SORCS3: variants seen among roughly 807,000 people sequenced by gnomAD.
SORCS3 encodes VPS10 domain-containing receptor SorCS3.
SORCS3 carries 57 observed loss-of-function variants against 146.3 expected under a neutral mutation model. The observed-to-expected ratio is 0.39, with a 90% confidence interval of 0.31 to 0.49. The LOEUF (loss-of-function observed/expected upper bound fraction) is 0.49. Among genes scored for constraint, SORCS3 ranks in the 20% least tolerant of loss-of-function variants. The probability of loss-of-function intolerance (pLI) is 0.92; values close to 1 mark genes in which losing one functional copy is unlikely to be tolerated. For synonymous variants in SORCS3, 653 were observed against 618.5 expected, an observed-to-expected ratio of 1.06 and a Z score of -0.83; for missense variants, 1,341 against 1,575.5, an observed-to-expected ratio of 0.85 and a Z score of 2.52.
intron 19 of SORCS3, among the ~76,000 whole-genome samples, chr10:105,219,571 T>G (rs1473258014): frequency 6.6e-6 from 1 of 152,190 alleles, no homozygotes; most frequent in Non-Finnish European, 1.5e-5. Flanking sequence ...CCAACTTACA[T>G]GCAGACCTTC....
intron 5 of SORCS3, among the ~76,000 whole-genome samples, chr10:105,079,724 A>T (rs369957477): frequency 6.6e-6 from 1 of 151,260 alleles, no homozygotes. Context: ...CCTTCCTCCC[A>T]CTCTCCACCC....
At chr10:104,691,774 T>A (rs918193054) in intron 1 of SORCS3, among the ~76,000 whole-genome samples, 2 of 152,180 alleles carry the variant, frequency 1.3e-5, no homozygotes, top group Non-Finnish European at 2.9e-5. Context: ...AGGGTCTTGC[T>A]CTGCCACCCA....
intron 5 of SORCS3, among the ~76,000 whole-genome samples, chr10:105,081,876 G>A (rs145543543): frequency 2.6e-5 from 4 of 152,238 alleles, no homozygotes; most frequent in Non-Finnish European, 2.9e-5. Context: ...TCAGGAAGGC[G>A]AACAATCTAC....
intron 1 of SORCS3, among the ~76,000 whole-genome samples, chr10:104,646,621 G>C (rs1163422239): frequency 6.6e-6 from 1 of 152,178 alleles, no homozygotes; most frequent in African/African-American, 2.4e-5. Context: ...GTCACTTAAG[G>C]CCTGTGGCTT....
At chr10:104,874,260 A>G (rs1236637822) in intron 2 of SORCS3, among the ~76,000 whole-genome samples, 1 of 152,178 alleles carries the variant, frequency 6.6e-6, no homozygotes, top group Non-Finnish European at 1.5e-5. Flanking sequence ...GGTTTTAGAT[A>G]TCTGCCATTT....
At chr10:104,651,623 T>C (rs2015561076) in intron 1 of SORCS3, among the ~76,000 whole-genome samples, 1 of 151,814 alleles carries the variant, frequency 6.6e-6, no homozygotes, top group Admixed American at 6.6e-5. Flanking sequence ...GGAGAATCTC[T>C]TGAACGCAGG....
intron 14 of SORCS3, among the ~76,000 whole-genome samples, chr10:105,194,819 G>A (rs922867405): frequency 6.6e-6 from 1 of 152,062 alleles, no homozygotes; most frequent in African/African-American, 2.4e-5. Flanking sequence ...CTCAAAATAC[G>A]GTCCTGGGGC....
intron 1 of SORCS3, among the ~76,000 whole-genome samples, chr10:104,680,955 G>T (rs555317828): frequency 6.6e-6 from 1 of 152,202 alleles, no homozygotes; most frequent in African/African-American, 2.4e-5. Flanking sequence ...CAGGCCCTGC[G>T]GGGAACAGAG....
Position 105,263,480 on chromosome 10 carries a change from C to G in SORCS3, c.*106C>G, listed in dbSNP as rs1386692244. 9.9e-6 allele frequency: 11 copies of G among 1,106,496 alleles called. No homozygotes were observed. The highest frequency in any genetic ancestry group is 1.4e-5 in the Non-Finnish European group (11 of 759,936). 68.5% of individuals were successfully genotyped at this position (1,106,496 alleles called of 1,614,324 possible). A position where few individuals can be genotyped will look rare whatever the true frequency, so the allele number is the denominator to read the frequency against. On this transcript the variant is annotated 3_prime_UTR_variant, in exon 27 of 27. Coordinates refer to ENST00000369701, the MANE Select transcript of SORCS3 (RefSeq NM_014978.3). ...AAATGTCTTTTTTACCTTTTGTTTA[C>G]CAAGGGCCCCTTCATAAATAGCAGG...
At chr10:104,946,016 G>A (rs1164749320) in intron 3 of SORCS3, among the ~76,000 whole-genome samples, 1 of 152,030 alleles carries the variant, frequency 6.6e-6, no homozygotes, top group African/African-American at 2.4e-5. Context: ...TGTTATTTTG[G>A]TTGAGTTCTG....
chr10:105,003,945 C>T (rs1997064), intron 4 of SORCS3, among the ~76,000 whole-genome samples: 9,499 of 151,050 alleles, frequency 0.063, 327 homozygotes, highest in Middle Eastern at 0.086. Context: ...CACCTGGATG[C>T]CAAACCTCCT....
intron 15 of SORCS3, among the ~76,000 whole-genome samples, chr10:105,200,689 T>C (rs748600895): frequency 7.9e-5 from 12 of 152,198 alleles, no homozygotes; most frequent in African/African-American, 9.6e-5. Context: ...TGGTCGTTTA[T>C]CATAGAGAAG....
chr10:104,948,285 A>G (rs1199788641), intron 3 of SORCS3, among the ~76,000 whole-genome samples: 1 of 152,158 alleles, frequency 6.6e-6, no homozygotes, highest in Admixed American at 6.5e-5. Context: ...AGAAGTTGCA[A>G]AGGGTAGTGT....
chr10:104,721,299 T>C (rs1339715668), intron 1 of SORCS3, among the ~76,000 whole-genome samples: 6 of 152,178 alleles, frequency 3.9e-5, no homozygotes, highest in Admixed American at 2.6e-4. Flanking sequence ...ATATGCAGCA[T>C]TATTTCTGAG....
chr10:104,837,862 TA>T (rs1317127890), intron 1 of SORCS3, among the ~76,000 whole-genome samples: 13 of 152,286 alleles, frequency 8.5e-5, no homozygotes, highest in Middle Eastern at 3.4e-3. Flanking sequence ...GAAGCCCACA[TA>T]AACACTTACT....
At chr10:105,209,883 T>G (rs2056623890) in intron 16 of SORCS3, among the ~76,000 whole-genome samples, 1 of 152,210 alleles carries the variant, frequency 6.6e-6, no homozygotes, top group Admixed American at 6.5e-5. Flanking sequence ...TTAGCTCTAC[T>G]GTTTAGTGCT....
chr10:104,959,993 A>G lies in SORCS3; in HGVS notation c.796-17342A>G, dbSNP rs1361074510. ...TACAGCCTGGTCTCTTATGTGGTCC[A>G]TTGTCTCAAAGGGTTGTTGCAGCAG... On this transcript the variant is annotated intron_variant, in intron 3 of 26. Coordinates refer to ENST00000369701, the MANE Select transcript of SORCS3 (RefSeq NM_014978.3). Among the ~76,000 whole-genome samples the G allele has an allele frequency of 3.3e-5, 5 of 152,082 alleles. No homozygotes were observed. In the East Asian group the frequency reaches 9.6e-4, roughly 29 times the overall value.
chr10:104,841,834 T>G (rs2018144620), intron 1 of SORCS3, among the ~76,000 whole-genome samples: 1 of 152,238 alleles, frequency 6.6e-6, no homozygotes, highest in Non-Finnish European at 1.5e-5. Flanking sequence ...GCATTAAATT[T>G]AGATAAACAC....
At chr10:104,800,501 A>G (rs2017612637) in intron 1 of SORCS3, among the ~76,000 whole-genome samples, 1 of 152,152 alleles carries the variant, frequency 6.6e-6, no homozygotes, top group African/African-American at 2.4e-5. Flanking sequence ...GTGTCAGTGT[A>G]GGTTCATTGA....
Sources: gnomAD v4.1 joint callset for allele counts (sites outside exome capture counted in the v4.1 genomes callset) on GRCh38, gnomAD v4.1.1 for gene constraint, MANE v1.5 for transcripts, NCBI Gene and HGNC (gene_info 2026-07-23, HGNC 2026-07-21) for gene names.